The following PRKD1 variants were observed in gnomAD, a reference collection of about 807,000 sequenced individuals.
The protein encoded by PRKD1 is serine/threonine-protein kinase D1.
PRKD1 carries 63 observed loss-of-function variants against 95.9 expected under a neutral mutation model. The observed-to-expected ratio is 0.66, with a 90% CI of 0.54 to 0.81. The LOEUF (loss-of-function observed/expected upper bound fraction) is 0.81, where lower values mean the gene tolerates loss of function less well. Ranked by LOEUF, PRKD1 falls within the 30% of genes least tolerant of loss-of-function variation. The pLI is 0.00. For synonymous variants in PRKD1, 425 were observed against 423.1 expected, an observed-to-expected ratio of 1.00 and a Z score of -0.05; for missense variants, 1,048 against 1,165.3, an observed-to-expected ratio of 0.90 and a Z score of 1.47.
chr14:29,925,238 C>T (rs199537022), intron 1 of PRKD1, among the ~76,000 whole-genome samples: 2 of 152,124 alleles, frequency 1.3e-5, no homozygotes, highest in Admixed American at 1.3e-4. Flanking sequence ...CAGTCTCTCC[C>T]CCAAGTCTTG....
intron 1 of PRKD1, among the ~76,000 whole-genome samples, chr14:29,909,259 C>T (rs58228809): frequency 0.11 from 17,242 of 150,752 alleles, 2,285 homozygotes; most frequent in African/African-American, 0.32. Flanking sequence ...ACCTGCAGCC[C>T]GCCATGCCCG....
chr14:29,866,757 G>A (rs1055535777), intron 1 of PRKD1, among the ~76,000 whole-genome samples: 1 of 152,174 alleles, frequency 6.6e-6, no homozygotes, highest in African/African-American at 2.4e-5. Context: ...TTACAAAGAA[G>A]AATGTGGCAG....
intron 16 of PRKD1, among the ~76,000 whole-genome samples, chr14:29,579,503 T>A (rs1391304074): frequency 3.9e-5 from 6 of 152,156 alleles, no homozygotes; most frequent in African/African-American, 1.4e-4. Context: ...CATCTTTCCC[T>A]ATCACCAAGT....
chr14:29,802,549 A>T (rs138827070), intron 1 of PRKD1, among the ~76,000 whole-genome samples: 1 of 152,232 alleles, frequency 6.6e-6, no homozygotes. Context: ...AATTTAAAAC[A>T]AGGTAACAAA....
chr14:29,582,439 G>A (rs1892784498), intron 16 of PRKD1, among the ~76,000 whole-genome samples: 1 of 151,884 alleles, frequency 6.6e-6, no homozygotes, highest in Non-Finnish European at 1.5e-5. Flanking sequence ...AAATACCTTG[G>A]TATCTCTCTC....
intron 1 of PRKD1, among the ~76,000 whole-genome samples, chr14:29,748,970 T>C (rs1436022492): frequency 6.6e-6 from 1 of 152,202 alleles, no homozygotes; most frequent in Admixed American, 6.5e-5. Flanking sequence ...AGTTCAAATT[T>C]TATTAAAAAA....
chr14:29,787,263 G>C (rs1393429231), intron 1 of PRKD1, among the ~76,000 whole-genome samples: 1 of 132,530 alleles, frequency 7.5e-6, no homozygotes, highest in Non-Finnish European at 1.6e-5. Flanking sequence ...GTCTTTCCTA[G>C]AGAATATTCC....
intron 4 of PRKD1, among the ~76,000 whole-genome samples, chr14:29,660,640 C>T (rs1882138830): frequency 6.6e-6 from 1 of 152,124 alleles, no homozygotes; most frequent in African/African-American, 2.4e-5. Flanking sequence ...ATTATAATAA[C>T]TTTTTGCCTA....
In PRKD1 at chr14:29,826,778, TATAC is replaced by T. The variant is rs1392893898; in HGVS notation, c.264+100467_264+100470del. ...ATATACATATATATATACACATATA[TATAC>T]ATATATACACATATATATACACATA... On this transcript the variant is annotated intron_variant, in intron 1 of 17. Coordinates refer to ENST00000331968, the MANE Select transcript of PRKD1 (RefSeq NM_002742.3). Among the ~76,000 whole-genome samples the T allele has an allele frequency of 8.4e-3, 337 of 40,084 alleles. 18 individuals are homozygous for T. The highest frequency in any genetic ancestry group is 0.014 in the Non-Finnish European group (290 of 21,040). 26.3% of individuals were successfully genotyped at this position (40,084 alleles called of 152,430 possible).
intron 2 of PRKD1, among the ~76,000 whole-genome samples, chr14:29,707,540 G>T (rs966448300): frequency 6.6e-6 from 1 of 152,106 alleles, no homozygotes; most frequent in Non-Finnish European, 1.5e-5. Flanking sequence ...AATTATATTC[G>T]AGTGGGGAAG....
At chr14:29,636,751 G>C (rs112879897) in intron 6 of PRKD1, among the ~76,000 whole-genome samples, 5,020 of 152,168 alleles carry the variant, frequency 0.033, 251 homozygotes, top group African/African-American at 0.11. Context: ...GTACCCATTA[G>C]TTATTTTTCC....
chr14:29,905,425 T>G (rs1432153121), intron 1 of PRKD1, among the ~76,000 whole-genome samples: 1 of 152,146 alleles, frequency 6.6e-6, no homozygotes, highest in Non-Finnish European at 1.5e-5. Flanking sequence ...AGGCCTACTC[T>G]TAAAATGCCT....
At chr14:29,685,555 A>G (rs775219883) in intron 2 of PRKD1, among the ~76,000 whole-genome samples, 5 of 152,212 alleles carry the variant, frequency 3.3e-5, no homozygotes, top group Non-Finnish European at 5.9e-5. Flanking sequence ...TTTGAACTGA[A>G]CAAAAATGGG....
chr14:29,649,141 C>T (rs1467169424), intron 4 of PRKD1, among the ~76,000 whole-genome samples: 1 of 152,208 alleles, frequency 6.6e-6, no homozygotes, highest in East Asian at 1.9e-4. Flanking sequence ...ATGACTCTGG[C>T]ATGGCCAGAC....
intron 13 of PRKD1, among the ~76,000 whole-genome samples, chr14:29,603,454 G>T (rs1893596362): frequency 6.6e-6 from 1 of 152,066 alleles, no homozygotes; most frequent in Non-Finnish European, 1.5e-5. Flanking sequence ...TTCTTATACT[G>T]CACTGATAAG....
At chr14:29,852,986 A>C (rs1232666246) in intron 1 of PRKD1, among the ~76,000 whole-genome samples, 4 of 152,234 alleles carry the variant, frequency 2.6e-5, no homozygotes, top group Non-Finnish European at 5.9e-5. Context: ...TTCCGTCTAC[A>C]TGAGACTCAC....
chr14:29,597,636 A>T lies in PRKD1; in HGVS notation c.2289T>A (p.Ser763=). 1 of 1,614,088 alleles carries T rather than the reference A, an allele frequency of 6.2e-7. No individual in the cohort carries two copies. The highest frequency in any genetic ancestry group is 8.5e-7 in the Non-Finnish European group (1 of 1,179,984). Reference sequence around the variant, plus strand: ...TGACCCCAACAGACCACATGTCTAGAGAGCGATTGTAGCCCTTGTTCCTTA... The same window carrying T: ...TGACCCCAACAGACCACATGTCTAGTGAGCGATTGTAGCCCTTGTTCCTTA... ...EVLRNKGYNR[S]LDMWSVGVII... is the part of the protein sequence containing the mutation. Residue 763 remains serine (S), a synonymous_variant, in exon 16 of 18, where the codon TCT becomes TCA. Coordinates refer to ENST00000331968, the MANE Select transcript of PRKD1 (RefSeq NM_002742.3).
chr14:29,752,892 A>T (rs1406047205), intron 1 of PRKD1, among the ~76,000 whole-genome samples: 4 of 152,104 alleles, frequency 2.6e-5, no homozygotes, highest in South Asian at 2.1e-4. Context: ...AAAATAAGAT[A>T]AAAAAACCTA....
At chr14:29,795,794 T>C (rs1889788976) in intron 1 of PRKD1, among the ~76,000 whole-genome samples, 1 of 152,118 alleles carries the variant, frequency 6.6e-6, no homozygotes, top group African/African-American at 2.4e-5. Context: ...TGCCCAAAAA[T>C]ATAAGAAATA....
Sources: gnomAD v4.1 joint callset for allele counts (sites outside exome capture counted in the v4.1 genomes callset) on GRCh38, gnomAD v4.1.1 for gene constraint, MANE v1.5 for transcripts, NCBI Gene and HGNC (gene_info 2026-07-23, HGNC 2026-07-21) for gene names.